Variants in THEMIS observed in about 807,000 individuals in gnomAD.
The protein encoded by THEMIS is protein THEMIS.
A neutral mutation model predicts 52.6 loss-of-function variants in THEMIS; 37 were observed. The observed-to-expected ratio is 0.70, with a 90% CI of 0.54 to 0.93. The LOEUF is 0.93. Ranked by LOEUF, THEMIS falls within the 40% of genes least tolerant of loss-of-function variation. The pLI is 0.00. For missense variants in THEMIS, 808 were observed against 763.1 expected (o/e 1.06, Z -0.69); for synonymous variants, 292 against 272.7 (o/e 1.07, Z -0.70).
chr6:127,814,824 A>G (rs752022168), intron 3 of THEMIS, among the ~76,000 whole-genome samples: 62 of 152,062 alleles, frequency 4.1e-4, no homozygotes, highest in Non-Finnish European at 7.2e-4. Flanking sequence ...CTCATATACC[A>G]CCCAACATCT....
intron 4 of THEMIS, among the ~76,000 whole-genome samples, chr6:127,792,079 C>T (rs1288039060): frequency 6.6e-6 from 1 of 152,130 alleles, no homozygotes; most frequent in Non-Finnish European, 1.5e-5. Context: ...GGCATGGCTT[C>T]CACCTGTTCC....
intron 4 of THEMIS, among the ~76,000 whole-genome samples, chr6:127,768,728 T>A (rs1776277637): frequency 6.6e-6 from 1 of 152,194 alleles, no homozygotes; most frequent in Admixed American, 6.5e-5. Context: ...TTCCAAAAAT[T>A]AAAATGTTTG....
At chr6:127,877,845 T>A (rs545955210) in intron 1 of THEMIS, among the ~76,000 whole-genome samples, 136 of 152,222 alleles carry the variant, frequency 8.9e-4, no homozygotes, top group African/African-American at 3.2e-3. Flanking sequence ...AATCCTTCAA[T>A]TTGTTAAAAA....
At chr6:127,733,835 G>C (rs979051343) in intron 4 of THEMIS, among the ~76,000 whole-genome samples, 1 of 151,990 alleles carries the variant, frequency 6.6e-6, no homozygotes, top group Non-Finnish European at 1.5e-5. Context: ...ACTATATCTA[G>C]TATATATGAC....
intron 4 of THEMIS, among the ~76,000 whole-genome samples, chr6:127,776,233 C>T (rs1370414155): frequency 6.6e-6 from 1 of 152,198 alleles, no homozygotes; most frequent in African/African-American, 2.4e-5. Flanking sequence ...AGATGTTCCA[C>T]CTGTAATCAC....
intron 4 of THEMIS, among the ~76,000 whole-genome samples, chr6:127,732,622 A>T (rs1161029327): frequency 6.6e-6 from 1 of 152,054 alleles, no homozygotes; most frequent in African/African-American, 2.4e-5. Flanking sequence ...TTTTCTCCCC[A>T]TTTGGGAACT....
chr6:127,818,172 C>T (rs1459660852), intron 3 of THEMIS, among the ~76,000 whole-genome samples: 1 of 152,242 alleles, frequency 6.6e-6, no homozygotes, highest in Non-Finnish European at 1.5e-5. Flanking sequence ...AGGGAACACC[C>T]AACTCAAGCC....
intron 4 of THEMIS, among the ~76,000 whole-genome samples, chr6:127,774,745 C>A (rs1009738503): frequency 6.6e-6 from 1 of 152,150 alleles, no homozygotes; most frequent in Non-Finnish European, 1.5e-5. Context: ...TCTGCCTAAA[C>A]CCCCAAATCT....
chr6:127,829,395 A>T (rs1175891404), intron 3 of THEMIS, 81 bp downstream of exon 3: 9 of 1,160,838 alleles, frequency 7.8e-6, no homozygotes, highest in Non-Finnish European at 9.8e-6. Context: ...ACAGACTCCC[A>T]TTCTTCAGGC....
chr6:127,737,245 T>G (rs1353949340), intron 4 of THEMIS, among the ~76,000 whole-genome samples: 1 of 152,212 alleles, frequency 6.6e-6, no homozygotes, highest in Non-Finnish European at 1.5e-5. Flanking sequence ...TTCATGGCTT[T>G]AGGATTAAAT....
chr6:127,841,580 T>C (rs1583339184), intron 2 of THEMIS, among the ~76,000 whole-genome samples: 1 of 152,140 alleles, frequency 6.6e-6, no homozygotes, highest in Admixed American at 6.6e-5. Context: ...TGATCTGATA[T>C]TACAATGCAC....
intron 5 of THEMIS, 56 bp downstream of exon 5, chr6:127,719,632 T>C: frequency 1.3e-6 from 2 of 1,496,262 alleles, no homozygotes; most frequent in Non-Finnish European, 1.8e-6. Context: ...ATTGCACCTT[T>C]GTCATGTGGA....
intron 5 of THEMIS, 98 bp from the exon 6 acceptor site, chr6:127,710,114 A>T: frequency 2.8e-6 from 2 of 722,902 alleles, no homozygotes; most frequent in Non-Finnish European, 4.3e-6. Context: ...TCACATGCAT[A>T]TGGTTTTTGA....
intron 4 of THEMIS, among the ~76,000 whole-genome samples, chr6:127,730,413 AAGGG>A (rs138864617): frequency 0.023 from 3,229 of 143,252 alleles, 50 homozygotes; most frequent in Middle Eastern, 0.042. Flanking sequence ...GGAAGGAAAG[AAGGG>A]AGGGAGGGAG....
chr6:127,794,180 T>C (rs1777250875), intron 4 of THEMIS, among the ~76,000 whole-genome samples: 1 of 152,228 alleles, frequency 6.6e-6, no homozygotes, highest in African/African-American at 2.4e-5. Flanking sequence ...CATTTCTTAT[T>C]ATCTCCATTG....
chr6:127,855,340 C>G, intron 1 of THEMIS, 152 bp from the exon 2 acceptor site: 4 of 518,068 alleles, frequency 7.7e-6, no homozygotes, highest in Non-Finnish European at 1.3e-5. Flanking sequence ...AAATGTACAG[C>G]ATAGACCAGA....
intron 1 of THEMIS, chr6:127,868,566 G>C (rs1475678453): frequency 2.8e-6 from 2 of 718,362 alleles, no homozygotes; most frequent in East Asian, 2.6e-4. Context: ...ACCAGCTCAG[G>C]TGGATATGGG....
At chr6:127,710,105 CACAT>C (rs1773924658) in intron 5 of THEMIS, 89 bp from the exon 6 acceptor site, 4 of 809,432 alleles carry the variant, frequency 4.9e-6, no homozygotes, top group South Asian at 3.7e-5. Context: ...TGTCGACACT[CACAT>C]GCATATGGTT....
chr6:127,719,307 ATCTGACGCT>A (rs1774280782), intron 5 of THEMIS, among the ~76,000 whole-genome samples: 1 of 151,986 alleles, frequency 6.6e-6, no homozygotes, highest in South Asian at 2.1e-4. Flanking sequence ...TCAGTGACTT[ATCTGACGCT>A]TCTTTAAATT....
Sources: gnomAD v4.1 joint callset for allele counts (sites outside exome capture counted in the v4.1 genomes callset) on GRCh38, gnomAD v4.1.1 for gene constraint, MANE v1.5 for transcripts, NCBI Gene and HGNC (gene_info 2026-07-23, HGNC 2026-07-21) for gene names.